PTK2: variants seen among roughly 807,000 people sequenced by gnomAD.
PTK2 encodes protein tyrosine kinase 2, also known as focal adhesion kinase 1.
A neutral mutation model predicts 150.1 loss-of-function variants in PTK2; 45 were observed. That is an observed-to-expected ratio of 0.30 (90% CI 0.24 to 0.38). The LOEUF is 0.38. PTK2 is among the 10% of genes least tolerant of loss of function. The pLI, the probability that PTK2 is intolerant of heterozygous loss-of-function variation, is 1.00. For missense variants in PTK2, 919 were observed against 1,307.3 expected, an observed-to-expected ratio of 0.70 and a Z score of 4.58; for synonymous variants, 432 against 449.2, an observed-to-expected ratio of 0.96 and a Z score of 0.48.
intron 1 of PTK2, among the ~76,000 whole-genome samples, chr8:140,944,722 A>T (rs541895035): frequency 6.6e-6 from 1 of 152,346 alleles, no homozygotes; most frequent in African/African-American, 2.4e-5. Flanking sequence ...GCCGGCAAGT[A>T]ATATTTGTGT....
At chr8:140,876,385 T>C (rs940133746) in intron 4 of PTK2, among the ~76,000 whole-genome samples, 3 of 152,222 alleles carry the variant, frequency 2.0e-5, no homozygotes, top group African/African-American at 7.2e-5. Context: ...TTTGAACATA[T>C]TATCCCACTA....
chr8:140,759,149 G>A (rs181349098), intron 16 of PTK2, among the ~76,000 whole-genome samples: 53 of 152,122 alleles, frequency 3.5e-4, no homozygotes, highest in Middle Eastern at 3.4e-3. Context: ...CTTTACACAC[G>A]GCACATGATT....
At chr8:140,736,940 T>G (rs185528138) in intron 21 of PTK2, among the ~76,000 whole-genome samples, 1 of 152,200 alleles carries the variant, frequency 6.6e-6, no homozygotes, top group Non-Finnish European at 1.5e-5. Flanking sequence ...GCAAAGCATA[T>G]TATCATCTTG....
chr8:140,789,940 C>G (rs936846283), intron 13 of PTK2, among the ~76,000 whole-genome samples: 4 of 152,082 alleles, frequency 2.6e-5, no homozygotes, highest in Admixed American at 2.6e-4. Context: ...TACAGTATGA[C>G]TGGTCTTTCT....
At chr8:140,975,823 A>T (rs2100189085) in intron 1 of PTK2, among the ~76,000 whole-genome samples, 1 of 152,164 alleles carries the variant, frequency 6.6e-6, no homozygotes, top group Non-Finnish European at 1.5e-5. Flanking sequence ...GAACTATAAC[A>T]GTCTCACTCC....
intron 16 of PTK2, among the ~76,000 whole-genome samples, chr8:140,757,140 TG>T (rs1037999479): frequency 6.6e-6 from 1 of 152,238 alleles, no homozygotes; most frequent in Non-Finnish European, 1.5e-5. Flanking sequence ...CATGGTACTC[TG>T]GGAACTTTAG....
intron 8 of PTK2, among the ~76,000 whole-genome samples, chr8:140,827,305 G>A (rs138231450): frequency 4.6e-5 from 7 of 152,096 alleles, no homozygotes; most frequent in African/African-American, 1.7e-4. Flanking sequence ...TAGAAACAGA[G>A]AGGGCTCGCT....
At position 140,743,309 on chromosome 8, in the gene PTK2, A is replaced by G. The variant is rs762785081; in HGVS notation, c.1656T>C (p.Val552=). 9 of 1,613,504 alleles carry G rather than the reference A, an allele frequency of 5.6e-6. No homozygotes were observed. The Admixed American group carries it at 1.5e-4, about 27-fold the overall frequency. Reference sequence around the variant, plus strand: ...TTACACAATCATTTGAGGACACCAGAACATTCCGAGCAGCAATGTCCCTGA... The same window carrying G: ...TTACACAATCATTTGAGGACACCAGGACATTCCGAGCAGCAATGTCCCTGA... The change falls in exon 20 of 32, where the codon GTT becomes GTC. Residue 552 remains valine, a synonymous_variant. Coordinates refer to ENST00000522684, the Ensembl canonical transcript of PTK2.
chr8:140,999,808 T>A (rs1420113824), intron 1 of PTK2, among the ~76,000 whole-genome samples: 2 of 152,108 alleles, frequency 1.3e-5, no homozygotes, highest in Non-Finnish European at 2.9e-5. Flanking sequence ...TTTCCAGCCA[T>A]GAAAACGTTT....
At chr8:140,813,361 T>C (rs2100102751) in intron 10 of PTK2, among the ~76,000 whole-genome samples, 1 of 150,442 alleles carries the variant, frequency 6.6e-6, no homozygotes, top group Non-Finnish European at 1.5e-5. Flanking sequence ...TGTACCAGAA[T>C]CTCTGGGACA....
chr8:140,823,484 T>A (rs985023939), intron 8 of PTK2, among the ~76,000 whole-genome samples: 1 of 151,512 alleles, frequency 6.6e-6, no homozygotes, highest in Admixed American at 6.6e-5. Context: ...TTAAAATGCA[T>A]ATATATATAT....
intron 10 of PTK2, among the ~76,000 whole-genome samples, chr8:140,816,642 T>C (rs1436799859): frequency 1.3e-5 from 2 of 152,194 alleles, no homozygotes; most frequent in Admixed American, 1.3e-4. Flanking sequence ...GCAAAGTACA[T>C]GATATGAGCA....
chr8:140,897,959 G>A (rs979982229), intron 2 of PTK2, among the ~76,000 whole-genome samples: 2 of 152,054 alleles, frequency 1.3e-5, no homozygotes, highest in African/African-American at 4.8e-5. Context: ...TGCCACTTTT[G>A]CGCACTACAT....
At chr8:141,001,318 G>A (rs1422988129), upstream of PTK2, 4 of 147,600 alleles carry the variant, frequency 2.7e-5, no homozygotes, top group Non-Finnish European at 4.5e-5. Context: ...GTGCGCGGCA[G>A]CCGGCTGAGG....
At chr8:140,885,079 A>G (rs964580440) in intron 3 of PTK2, among the ~76,000 whole-genome samples, 3 of 152,200 alleles carry the variant, frequency 2.0e-5, no homozygotes, top group African/African-American at 7.2e-5. Context: ...AGCATCATAC[A>G]GTATTTGCCC....
intron 3 of PTK2, among the ~76,000 whole-genome samples, chr8:140,885,402 G>A (rs1436733079): frequency 6.6e-6 from 1 of 152,110 alleles, no homozygotes; most frequent in Non-Finnish European, 1.5e-5. Context: ...AAAGACATTG[G>A]CAATAATACC....
intron 31 of PTK2, chr8:140,660,591 T>C (rs1424710257): frequency 1.1e-5 from 5 of 454,742 alleles, no homozygotes; most frequent in Non-Finnish European, 2.2e-5. Context: ...CTGAGTATGG[T>C]GGTGTGCACC....
At chr8:140,928,773 G>C (rs1360712038) in intron 1 of PTK2, among the ~76,000 whole-genome samples, 1 of 152,126 alleles carries the variant, frequency 6.6e-6, no homozygotes, top group East Asian at 1.9e-4. Flanking sequence ...GTGGTTTCCA[G>C]AGGATGAGGC....
intron 2 of PTK2, among the ~76,000 whole-genome samples, chr8:140,914,893 C>T (rs1374815636): frequency 6.6e-6 from 1 of 151,784 alleles, no homozygotes; most frequent in Non-Finnish European, 1.5e-5. Flanking sequence ...ATTAGCCGGG[C>T]ATAGTGGTGC....
Sources: gnomAD v4.1 joint callset for allele counts (sites outside exome capture counted in the v4.1 genomes callset) on GRCh38, gnomAD v4.1.1 for gene constraint, MANE v1.5 for transcripts, NCBI Gene and HGNC (gene_info 2026-07-23, HGNC 2026-07-21) for gene names.